NCOA1: variants seen among roughly 807,000 people sequenced by gnomAD.
NCOA1 encodes the protein Hin-2 protein.
A neutral mutation model predicts 150.9 loss-of-function variants in NCOA1; 35 were observed. The ratio of observed to expected loss-of-function variants is 0.23; its 90% CI spans 0.18 to 0.31. NCOA1 has a LOEUF of 0.31. NCOA1 is among the 10% of genes least tolerant of loss of function. The pLI, the probability that NCOA1 is intolerant of heterozygous loss-of-function variation, is 1.00. For missense variants in NCOA1, 1,491 were observed against 1,749.3 expected, an observed-to-expected ratio of 0.85 and a Z score of 2.63; for synonymous variants, 590 against 630.0, an observed-to-expected ratio of 0.94 and a Z score of 0.95.
intron 2 of NCOA1, among the ~76,000 whole-genome samples, chr2:24,571,156 G>T (rs1051938682): frequency 2.0e-5 from 3 of 151,806 alleles, no homozygotes; most frequent in Non-Finnish European, 4.4e-5. Context: ...TGTGGGTGAG[G>T]ATTAAGTAAG....
Position 24,537,239 on chromosome 2 carries a change from T to TACACACACAC in NCOA1, c.-395-27036_-395-27027dup, listed in dbSNP as rs36086647. Among the ~76,000 whole-genome samples, 270 of 148,750 alleles carry TACACACACAC rather than the reference T, an allele frequency of 1.8e-3. 1 individual carries two copies. The highest frequency in any genetic ancestry group is 2.2e-3 in the Non-Finnish European group (150 of 67,282). On this transcript the variant is annotated intron_variant, in intron 1 of 22. Coordinates refer to ENST00000348332, the MANE Select transcript of NCOA1 (RefSeq NM_003743.5). ...AAATCAATAAGGTAACTGTGATACATACACACACACACACACACACACACA... is the reference window on the plus strand; with the variant it reads ...AAATCAATAAGGTAACTGTGATACATACACACACACACACACACACACACACACACACACA...
intron 14 of NCOA1, among the ~76,000 whole-genome samples, chr2:24,720,844 A>T (rs1240842473): frequency 2.0e-5 from 3 of 152,204 alleles, no homozygotes; most frequent in African/African-American, 7.2e-5. Flanking sequence ...ACCAGAGTCT[A>T]TTATTGATTG....
intron 1 of NCOA1, among the ~76,000 whole-genome samples, chr2:24,520,646 T>C (rs768227686): frequency 3.3e-5 from 5 of 152,196 alleles, no homozygotes; most frequent in East Asian, 1.9e-4. Flanking sequence ...AGGAAACTTA[T>C]GAGAGTGATG....
intron 3 of NCOA1, among the ~76,000 whole-genome samples, chr2:24,593,001 G>A (rs1457613924): frequency 1.3e-5 from 2 of 151,948 alleles, no homozygotes; most frequent in East Asian, 3.9e-4. Context: ...ACTGACATTT[G>A]GGGTTCAAGA....
At chr2:24,702,664 T>A (rs1053693760) in intron 11 of NCOA1, among the ~76,000 whole-genome samples, 2 of 152,208 alleles carry the variant, frequency 1.3e-5, no homozygotes, top group African/African-American at 4.8e-5. Context: ...TTCTGAGGTG[T>A]CAATAATAGT....
At chr2:24,545,715 A>G (rs1010472841) in intron 1 of NCOA1, among the ~76,000 whole-genome samples, 1 of 152,254 alleles carries the variant, frequency 6.6e-6, no homozygotes, top group African/African-American at 2.4e-5. Context: ...GGGGAGAGGT[A>G]GATACTTGTA....
chr2:24,618,103 A>C (rs184785344), intron 3 of NCOA1, among the ~76,000 whole-genome samples: 17 of 152,324 alleles, frequency 1.1e-4, no homozygotes, highest in African/African-American at 3.6e-4. Context: ...GGGTGATTTT[A>C]ATTTTATTTT....
At chr2:24,549,963 A>G (rs1164182174) in intron 1 of NCOA1, among the ~76,000 whole-genome samples, 2 of 152,104 alleles carry the variant, frequency 1.3e-5, no homozygotes, top group Non-Finnish European at 2.9e-5. Context: ...CAGATACCCT[A>G]AATCATCTCT....
chr2:24,557,384 C>T (rs1047972473), intron 1 of NCOA1, among the ~76,000 whole-genome samples: 1 of 152,002 alleles, frequency 6.6e-6, no homozygotes, highest in African/African-American at 2.4e-5. Flanking sequence ...ACAATGCAGT[C>T]TTATTAATTT....
chr2:24,640,285 A>G (rs566116505), intron 3 of NCOA1, among the ~76,000 whole-genome samples: 13 of 152,092 alleles, frequency 8.5e-5, no homozygotes, highest in Non-Finnish European at 1.5e-4. Flanking sequence ...ATAAATGTAC[A>G]TTTGCCAGTT....
At position 24,566,843 on chromosome 2, in the gene NCOA1, C is replaced by T. The variant is rs538621986; in HGVS notation, c.-260+2413C>T. On this transcript the variant is annotated intron_variant, in intron 2 of 22. Coordinates refer to ENST00000348332, the MANE Select transcript of NCOA1 (RefSeq NM_003743.5). ...AACTTTGCTCCGAGATTGGAGCAGG[C>T]GCTGGGAGCAGGAAGAGACCAGGCA... Among the ~76,000 whole-genome samples, 13 of 152,346 alleles carry T rather than the reference C, an allele frequency of 8.5e-5. No homozygotes were observed. The South Asian group carries it at 1.7e-3, about 19-fold the overall frequency.
rs1307828407 is a variant in NCOA1 at position 24,491,457 on chromosome 2, C to A, written c.-541C>A. ...CTGCGTCAGGTTCCCTCTGCATCCC[C>A]CTGCGGGGGGACCCCTGCTCCGGAG... On this transcript the variant is annotated 5_prime_UTR_variant, in exon 1 of 23. Coordinates refer to ENST00000348332, the MANE Select transcript of NCOA1 (RefSeq NM_003743.5). Among the ~76,000 whole-genome samples, 2 of 2,956 alleles carry A rather than the reference C, an allele frequency of 6.8e-4. No individual in the cohort carries two copies. The highest frequency in any genetic ancestry group is 0.019 in the East Asian group (2 of 104). The allele number at this position is 2,956 out of a possible 152,430, so 1.9% of individuals were successfully genotyped here.
intron 3 of NCOA1, among the ~76,000 whole-genome samples, chr2:24,634,133 G>C (rs532118383): frequency 6.6e-6 from 1 of 151,872 alleles, no homozygotes; most frequent in African/African-American, 2.4e-5. Flanking sequence ...TTATGGATAT[G>C]TGTATGTCCT....
intron 6 of NCOA1, among the ~76,000 whole-genome samples, chr2:24,671,397 C>G (rs1405192847): frequency 6.6e-6 from 1 of 152,128 alleles, no homozygotes; most frequent in African/African-American, 2.4e-5. Flanking sequence ...TGGTGCATGT[C>G]TGTAATCCCA....
intron 6 of NCOA1, among the ~76,000 whole-genome samples, chr2:24,667,109 G>A (rs985388775): frequency 9.9e-5 from 15 of 152,162 alleles, no homozygotes; most frequent in African/African-American, 3.4e-4. Context: ...CAGATTATTA[G>A]CATTAAAGTT....
Position 24,710,921 on chromosome 2 carries a change from C to G in NCOA1, c.2419-10C>G. On this transcript the variant is annotated splice_polypyrimidine_tract_variant and intron_variant, in intron 13 of 22. Coordinates refer to ENST00000348332, the MANE Select transcript of NCOA1 (RefSeq NM_003743.5). Reference sequence around the variant, plus strand: ...AATATATTTCCTCTAACTTTGGTTTCCATTCTTAGTTTACAGCTGACCTTG... The same window carrying G: ...AATATATTTCCTCTAACTTTGGTTTGCATTCTTAGTTTACAGCTGACCTTG... 6 of 1,612,224 alleles carry G rather than the reference C, an allele frequency of 3.7e-6. 1 individual carries two copies. The highest frequency in any genetic ancestry group is 5.1e-6 in the Non-Finnish European group (6 of 1,179,262).
intron 8 of NCOA1, 113 bp downstream of exon 8, chr2:24,683,241 AAT>A: frequency 4.8e-6 from 3 of 619,932 alleles, no homozygotes; most frequent in Non-Finnish European, 6.9e-6. Flanking sequence ...TATATGTTAT[AAT>A]ATGTGTTTAA....
At chr2:24,752,308 T>C in intron 20 of NCOA1, 152 bp downstream of exon 20, 1 of 894,824 alleles carries the variant, frequency 1.1e-6, no homozygotes, top group Non-Finnish European at 1.6e-6. Flanking sequence ...TTATATGACG[T>C]TTCCCCGTTC....
chr2:24,559,865 C>T (rs1666227214), intron 1 of NCOA1, among the ~76,000 whole-genome samples: 1 of 152,106 alleles, frequency 6.6e-6, no homozygotes, highest in Non-Finnish European at 1.5e-5. Flanking sequence ...CTATCTGTTC[C>T]CCAGAGGCAG....
Sources: allele counts gnomAD v4.1 joint callset (sites outside exome capture counted in the v4.1 genomes callset), GRCh38; gene constraint gnomAD v4.1.1; transcripts MANE v1.5; gene names NCBI Gene and HGNC (gene_info 2026-07-23, HGNC 2026-07-21).